The following EP400 variants were observed in gnomAD, a reference collection of about 807,000 sequenced individuals.
EP400 encodes E1A binding protein p400.
A neutral mutation model predicts 354.1 loss-of-function variants in EP400; 105 were observed. The observed-to-expected ratio is 0.30, with a 90% CI of 0.25 to 0.35. The LOEUF is 0.35. Ranked by LOEUF, EP400 falls within the 10% of genes least tolerant of loss-of-function variation. The pLI, the probability that EP400 is intolerant of heterozygous loss-of-function variation, is 1.00. For missense variants in EP400, 3,280 were observed against 4,121.0 expected (o/e 0.80, Z 5.59); for synonymous variants, 1,646 against 1,716.9 (o/e 0.96, Z 1.02).
In EP400 at chr12:132,013,531, C is replaced by T; in HGVS notation, c.3653C>T (p.Thr1218Ile). The T allele has an allele frequency of 1.2e-6, 2 of 1,603,718 alleles. No homozygotes were observed. Among genetic ancestry groups the T allele is most frequent in the South Asian group, 1.1e-5 (1 of 89,536 alleles). ...LLLIDSPLHN[T>I]FLELWTMVHF... ...CTGATCGACTCGCCGCTGCACAATA[C>T]CTTCCTGGAGCTCTGGACCATGGTG... Residue 1218 changes from threonine to isoleucine, a missense_variant, in exon 18 of 53, where the codon ACC (threonine) becomes ATC (isoleucine). Coordinates refer to ENST00000389561, the MANE Select transcript of EP400 (RefSeq NM_015409.5). This position sits in a 1 kb window ranked among gnomAD's most constrained non-coding sequence, Gnocchi z 4.5.
At position 132,021,095 on chromosome 12, in the gene EP400, T is replaced by C; in HGVS notation, c.4464T>C (p.Phe1488=). 1 of 1,598,826 alleles carries C rather than the reference T, an allele frequency of 6.3e-7. No homozygotes were observed. The highest frequency in any genetic ancestry group is 8.5e-7 in the Non-Finnish European group (1 of 1,179,036). ...NPEAKAAAAP[F]QTSQASASAP... ...CGATTGCAGCAGCAGCAGCCCCGTT[T>C]CAGACCTCTCAGGCTTCCGCCAGTG... The change falls in exon 23 of 53, where the codon TTT becomes TTC. Residue 1488 remains phenylalanine (F), a synonymous_variant. Transcript: ENST00000389561.
rs756492297 is a variant in EP400, at chr12:132,028,203, A to G, written c.5296A>G (p.Ser1766Gly). The change falls in exon 27 of 53, where the codon AGT becomes GGT. Residue 1766 changes from serine (S) to glycine (G), a missense_variant. This residue lies in a region of EP400 where 459 missense variants were observed against 496.9 expected (regional missense o/e 0.92). Transcript: ENST00000389561. The part of the protein sequence containing the change: ...RRGKEAGPAH[S>G]YTSSSESPSE... ...TGGGAAGGAGGCCGGGCCAGCGCAC[A>G]GTTACACTTCATCCTCAGAAAGTCC... 34 of 1,614,066 alleles carry G rather than the reference A, an allele frequency of 2.1e-5. No individual in the cohort carries two copies. The highest frequency in any genetic ancestry group is 2.2e-5 in the Non-Finnish European group (26 of 1,180,034).
chr12:131,953,250 G>A (rs929858480), intron 1 of EP400, among the ~76,000 whole-genome samples: 6 of 152,150 alleles, frequency 3.9e-5, no homozygotes, highest in Non-Finnish European at 7.4e-5. Context: ...TAGCGGGGCC[G>A]TGGAAAAATA....
In EP400 at chr12:131,961,253, C is replaced by T; in HGVS notation, c.634C>T (p.Pro212Ser). The change falls in exon 2 of 53, where the codon CCG (proline) becomes TCG (serine). Residue 212 changes from proline (P) to serine (S), a missense_variant. Physicochemically the swap from Pro to Ser is moderately conservative, Grantham distance 74 (BLOSUM62 -1). Coordinates refer to ENST00000389561, the MANE Select transcript of EP400 (RefSeq NM_015409.5). ...AQGAQVQLQH[P>S]GTPITVRERR... ...GGGAGCCCAGGTTCAGCTCCAGCAC[C>T]CGGGTACGCCCATCACAGTCCGAGA... is the stretch of plus-strand genomic sequence containing the variant. The T allele has an allele frequency of 6.9e-7, 1 of 1,440,048 alleles. No individual in the cohort carries two copies. Among genetic ancestry groups the T allele is most frequent in the East Asian group, 2.5e-5 (1 of 40,484 alleles). The allele number at this position is 1,440,048 out of a possible 1,614,324, so 89.2% of individuals were successfully genotyped here. A position where few individuals can be genotyped will look rare whatever the true frequency, so the allele number is the denominator to read the frequency against.
chr12:131,976,725 A>G (rs1892488212), intron 2 of EP400, among the ~76,000 whole-genome samples: 1 of 152,168 alleles, frequency 6.6e-6, no homozygotes, highest in African/African-American at 2.4e-5. Context: ...AACAAAAAAC[A>G]AAAACGCCAA....
At chr12:132,056,561 C>T (rs754951268) in intron 45 of EP400, among the ~76,000 whole-genome samples, 5 of 152,150 alleles carry the variant, frequency 3.3e-5, no homozygotes, top group Non-Finnish European at 7.3e-5. Flanking sequence ...TGAGCCTTGG[C>T]CCGTAACTCA....
rs1894078931 is a variant in EP400 at position 132,020,185 on chromosome 12, A to G, written c.4414A>G (p.Ile1472Val). 3 of 1,610,200 alleles carry G rather than the reference A, an allele frequency of 1.9e-6. No homozygotes were observed. Among genetic ancestry groups the G allele is most frequent in the East Asian group, 2.2e-5 (1 of 44,562 alleles). The change falls in exon 22 of 53, where the codon ATC becomes GTC. Residue 1472 changes from isoleucine (I) to valine (V), a missense_variant. Ile to Val is a conservative substitution (Grantham distance 29). Transcript: ENST00000389561. The part of the protein sequence containing the change: ...PQGPLRGRPP[I>V]ATFSANPEAK... ...GGGCCCGCTTCGAGGACGGCCGCCC[A>G]TCGCCACGTTCTCTGCCAATCCGGA...
rs145744834 is a variant in EP400 at position 132,030,095 on chromosome 12, C to T, written c.5691C>T (p.Phe1897=). The T allele has an allele frequency of 2.2e-4, 363 of 1,614,088 alleles. No homozygotes were observed. The highest frequency in any genetic ancestry group is 2.8e-4 in the Non-Finnish European group (336 of 1,180,040). The change falls in exon 29 of 53, where the codon TTC becomes TTT. Residue 1897 remains phenylalanine (F), a synonymous_variant. Coordinates refer to ENST00000389561, the MANE Select transcript of EP400 (RefSeq NM_015409.5). ...MILMLDILEM[F]LNFHYLTYVR... is the part of the protein sequence containing the mutation. ...TTATGTTGGACATTTTAGAGATGTT[C>T]TTGAACTTCCATTACCTCACCTATG...
intron 13 of EP400, 97 bp downstream of exon 13, chr12:132,005,281 GATAAA>G: frequency 6.2e-6 from 5 of 808,844 alleles, no homozygotes; most frequent in Non-Finnish European, 9.0e-6. Context: ...CTTTTAGTTT[GATAAA>G]ATAAAAAATT....
intron 2 of EP400, among the ~76,000 whole-genome samples, chr12:131,975,562 T>C (rs562973710): frequency 1.6e-4 from 24 of 152,210 alleles, no homozygotes; most frequent in African/African-American, 5.5e-4. Flanking sequence ...AAATTTTTTT[T>C]TCTTTTTCTT....
At chr12:132,033,024 C>T (rs1276010238) in intron 30 of EP400, among the ~76,000 whole-genome samples, 8 of 151,824 alleles carry the variant, frequency 5.3e-5, no homozygotes, top group Admixed American at 2.6e-4. Context: ...CCTGGTTCAC[C>T]GCAACCTCCA....
intron 19 of EP400, among the ~76,000 whole-genome samples, chr12:132,015,637 C>T (rs1174669788): frequency 3.3e-5 from 5 of 152,154 alleles, no homozygotes; most frequent in Admixed American, 2.6e-4. Context: ...GGGGAAAGCA[C>T]GTCTTATTCT....
rs987391455 is a variant in EP400 at position 132,064,530 on chromosome 12, C to T, written c.8335-138C>T. On this transcript the variant is annotated intron_variant, in intron 47 of 52. Transcript: ENST00000389561. Reference sequence around the variant, plus strand: ...AAGATACTGGGCAGCCCATGGAAGGCGGTCTGGATGCTGCACGGTAGCAGG... The same window carrying T: ...AAGATACTGGGCAGCCCATGGAAGGTGGTCTGGATGCTGCACGGTAGCAGG... 63 of 1,144,070 alleles carry T rather than the reference C, an allele frequency of 5.5e-5. 1 individual carries two copies. Among genetic ancestry groups the T allele is most frequent in the South Asian group, 3.2e-4 (20 of 61,960 alleles). The allele number at this position is 1,144,070 out of a possible 1,614,324, so 70.9% of individuals were successfully genotyped here.
At chr12:131,972,635 TA>T (rs1168577267) in intron 2 of EP400, among the ~76,000 whole-genome samples, 1 of 149,780 alleles carries the variant, frequency 6.7e-6, no homozygotes, top group Non-Finnish European at 1.5e-5. Flanking sequence ...TATAAAAAGA[TA>T]AAAAGAACCG....
At chr12:132,015,732 T>C (rs1171140038) in intron 19 of EP400, among the ~76,000 whole-genome samples, 2 of 152,194 alleles carry the variant, frequency 1.3e-5, no homozygotes, top group East Asian at 3.9e-4. Context: ...ATTTTCCTCT[T>C]TCTTTCCGGG....
chr12:132,021,366 A>G (rs1894117360), intron 23 of EP400, 45 bp downstream of exon 23: 1 of 1,464,762 alleles, frequency 6.8e-7, no homozygotes, highest in Non-Finnish European at 9.0e-7. Flanking sequence ...TCTCTACCCC[A>G]GAGGAGTTGT....
rs1372297027 is a variant in EP400, at chr12:132,045,780, T to C, written c.7080T>C (p.Ala2360=). The C allele has an allele frequency of 6.2e-7, 1 of 1,614,252 alleles. No individual in the cohort carries two copies. Among genetic ancestry groups the C allele is most frequent in the African/African-American group, 1.3e-5 (1 of 75,072 alleles). ...TGAACCTCACAATCGTGTCACCTGCTCACACACCTAATTGGGATCTTGTCA... is the reference window on the plus strand; with the variant it reads ...TGAACCTCACAATCGTGTCACCTGCCCACACACCTAATTGGGATCTTGTCA... ...LPLNLTIVSP[A]HTPNWDLVSD... The change falls in exon 39 of 53, where the codon GCT becomes GCC. Residue 2360 remains alanine (A), a synonymous_variant. Transcript: ENST00000389561.
At chr12:132,001,670 A>G (rs762320584) in intron 12 of EP400, among the ~76,000 whole-genome samples, 3 of 152,142 alleles carry the variant, frequency 2.0e-5, no homozygotes, top group Non-Finnish European at 4.4e-5. Flanking sequence ...TGAGGCTACA[A>G]CAGGCGTCTT....
intron 1 of EP400, among the ~76,000 whole-genome samples, chr12:131,956,672 A>G (rs1891711994): frequency 6.6e-6 from 1 of 152,036 alleles, no homozygotes; most frequent in African/African-American, 2.4e-5. Flanking sequence ...AATCTTTTCT[A>G]CACCTTCCCA....
Sources: gnomAD v4.1 joint callset for allele counts (sites outside exome capture counted in the v4.1 genomes callset) on GRCh38, gnomAD v4.1.1 for gene constraint, gnomAD v4.1.1 regional missense constraint, Gnocchi (gnomAD v3.1) non-coding constraint, MANE v1.5 for transcripts, NCBI Gene and HGNC (gene_info 2026-07-23, HGNC 2026-07-21) for gene names.